Variants in OPCML observed in about 807,000 individuals in gnomAD.
OPCML encodes the protein opioid-binding protein/cell adhesion molecule.
In OPCML, 13 loss-of-function variants were observed where a neutral mutation model predicts 37.8. That is an observed-to-expected ratio of 0.34 (90% CI 0.22 to 0.55). The LOEUF is 0.55. OPCML is among the 20% of genes least tolerant of loss of function. The pLI is 0.91. For missense variants in OPCML, 341 were observed against 435.6 expected (o/e 0.78, Z 1.93); for synonymous variants, 176 against 168.8 (o/e 1.04, Z -0.33).
intron 1 of OPCML, chr11:133,004,663 G>A: frequency 2.0e-6 from 2 of 985,442 alleles, no homozygotes; most frequent in Non-Finnish European, 2.4e-6. Flanking sequence ...CAGCTGGCGA[G>A]GGACCATGCC....
At chr11:132,740,214 T>TA (rs1232694625) in intron 2 of OPCML, among the ~76,000 whole-genome samples, 1 of 152,154 alleles carries the variant, frequency 6.6e-6, no homozygotes. Flanking sequence ...AAACTAACAA[T>TA]AACGTATCTG....
At chr11:133,004,325 G>T (rs192859365) in intron 1 of OPCML, 234 of 985,434 alleles carry the variant, frequency 2.4e-4, no homozygotes, top group African/African-American at 1.1e-3. Flanking sequence ...ATTTTATTTT[G>T]TGGGTCCTTT....
At chr11:132,974,648 T>C (rs547520173) in intron 1 of OPCML, among the ~76,000 whole-genome samples, 4 of 152,304 alleles carry the variant, frequency 2.6e-5, no homozygotes, top group South Asian at 2.1e-4. Context: ...AATCCCATTA[T>C]TGGGTATACA....
chr11:132,420,059 A>G lies in OPCML; in HGVS notation c.*134T>C. 1 of 733,522 alleles carries G rather than the reference A, an allele frequency of 1.4e-6. No homozygotes were observed. The highest frequency in any genetic ancestry group is 2.2e-6 in the Non-Finnish European group (1 of 451,750). The allele number at this position is 733,522 out of a possible 1,614,324, so 45.4% of individuals were successfully genotyped here. A position where few individuals can be genotyped will look rare whatever the true frequency, so the allele number is the denominator to read the frequency against. ...ATAAAAGCAAACAAACAAATAAACA[A>G]AAACAAAAAGAAAACAAATCTAGAA... is the stretch of plus-strand genomic sequence containing the variant. On this transcript the variant is annotated 3_prime_UTR_variant, in exon 8 of 8. Coordinates refer to ENST00000524381, the MANE Select transcript of OPCML (RefSeq NM_001012393.5).
chr11:132,653,311 A>T (rs912914351), intron 3 of OPCML, among the ~76,000 whole-genome samples: 3 of 152,096 alleles, frequency 2.0e-5, no homozygotes, highest in African/African-American at 7.2e-5. Context: ...GCACCTCTGG[A>T]TCTTTTCAGG....
chr11:132,613,089 C>T (rs537689938), intron 3 of OPCML, among the ~76,000 whole-genome samples: 1 of 152,338 alleles, frequency 6.6e-6, no homozygotes, highest in African/African-American at 2.4e-5. Context: ...AAAATAATCT[C>T]TTCATCTTGC....
At chr11:132,526,929 C>T (rs4936169) in intron 4 of OPCML, among the ~76,000 whole-genome samples, 41,751 of 151,926 alleles carry the variant, frequency 0.27, 5,808 homozygotes, top group Middle Eastern at 0.41. Flanking sequence ...TTGACTTCTG[C>T]CATTCTAGAT....
At chr11:133,290,640 G>C (rs1488929631) in intron 1 of OPCML, among the ~76,000 whole-genome samples, 1 of 152,200 alleles carries the variant, frequency 6.6e-6, no homozygotes, top group Non-Finnish European at 1.5e-5. Context: ...ATTGTGCCAG[G>C]AGATGTCACC....
chr11:133,400,179 T>C (rs1945372271), intron 1 of OPCML, among the ~76,000 whole-genome samples: 1 of 152,228 alleles, frequency 6.6e-6, no homozygotes, highest in African/African-American at 2.4e-5. Flanking sequence ...TAATGTCTTC[T>C]AATTTAGCCT....
intron 1 of OPCML, among the ~76,000 whole-genome samples, chr11:133,516,340 C>T (rs1948271700): frequency 6.6e-6 from 1 of 152,130 alleles, no homozygotes; most frequent in African/African-American, 2.4e-5. Flanking sequence ...ACCTTGGAGC[C>T]GTCACAGCCA....
At chr11:132,471,075 C>G (rs997344807) in intron 4 of OPCML, among the ~76,000 whole-genome samples, 1 of 152,144 alleles carries the variant, frequency 6.6e-6, no homozygotes, top group African/African-American at 2.4e-5. Context: ...CATGAGCAAC[C>G]GTTTCCAGTT....
At chr11:133,150,919 T>A (rs1949972076) in intron 1 of OPCML, among the ~76,000 whole-genome samples, 1 of 151,828 alleles carries the variant, frequency 6.6e-6, no homozygotes, top group Admixed American at 6.6e-5. Context: ...GGAAGCCACA[T>A]CCTCCCCTGC....
intron 1 of OPCML, among the ~76,000 whole-genome samples, chr11:133,207,467 G>A (rs1314645857): frequency 6.6e-6 from 1 of 152,116 alleles, no homozygotes; most frequent in Non-Finnish European, 1.5e-5. Context: ...AGTTTAAAGG[G>A]TTTAAACTGT....
chr11:132,855,525 T>C (rs915659963), intron 2 of OPCML, among the ~76,000 whole-genome samples: 4 of 152,224 alleles, frequency 2.6e-5, no homozygotes, highest in African/African-American at 7.2e-5. Flanking sequence ...CTCTGGGTGA[T>C]TACAATATGA....
rs181579353 is a variant in OPCML, at chr11:133,113,889, G to A, written c.62-170879C>T. 1.2e-3 allele frequency among the ~76,000 whole-genome samples: 183 copies of A among 152,246 alleles called. 1 individual carries two copies. Among genetic ancestry groups the A allele is most frequent in the Non-Finnish European group, 1.8e-3 (123 of 68,032 alleles). On this transcript the variant is annotated intron_variant, in intron 1 of 7. Coordinates refer to ENST00000524381, the MANE Select transcript of OPCML (RefSeq NM_001012393.5). ...TCATTAGCATAAAAGTAAATGCATC[G>A]TCTCTTCCTGAGAGAACCATTCTTA...
chr11:132,441,668 C>T (rs1021882418), intron 4 of OPCML, among the ~76,000 whole-genome samples: 20 of 152,208 alleles, frequency 1.3e-4, no homozygotes, highest in African/African-American at 3.9e-4. Context: ...GATTCTGAAT[C>T]ACTGGAAGAA....
intron 1 of OPCML, among the ~76,000 whole-genome samples, chr11:133,009,775 C>G (rs952663417): frequency 2.0e-5 from 3 of 152,164 alleles, no homozygotes; most frequent in African/African-American, 7.2e-5. Context: ...TCTGATCTGA[C>G]AGGAGATGGG....
At chr11:132,513,230 G>A (rs2096272636) in intron 4 of OPCML, among the ~76,000 whole-genome samples, 1 of 152,090 alleles carries the variant, frequency 6.6e-6, no homozygotes, top group South Asian at 2.1e-4. Context: ...GCAGATAAGG[G>A]AAGAAAGTAG....
intron 3 of OPCML, among the ~76,000 whole-genome samples, chr11:132,625,926 A>G (rs1224486243): frequency 6.6e-6 from 1 of 152,062 alleles, no homozygotes; most frequent in African/African-American, 2.4e-5. Flanking sequence ...TGTCTTCTCC[A>G]TGCATATTGG....
Sources: allele counts gnomAD v4.1 joint callset (sites outside exome capture counted in the v4.1 genomes callset), GRCh38; gene constraint gnomAD v4.1.1; transcripts MANE v1.5; gene names NCBI Gene and HGNC (gene_info 2026-07-23, HGNC 2026-07-21).